The following INF2 variants were observed in gnomAD, a reference collection of about 807,000 sequenced individuals.
The protein encoded by INF2 is inverted formin 2.
In INF2, 43 loss-of-function variants were observed where a neutral mutation model predicts 123.5. The ratio of observed to expected loss-of-function variants is 0.35; its 90% CI spans 0.27 to 0.45. INF2 has a LOEUF of 0.45. INF2 is among the 20% of genes least tolerant of loss of function. The pLI is 1.00. For missense variants in INF2, 1,453 were observed against 1,682.7 expected, an observed-to-expected ratio of 0.86 and a Z score of 2.39; for synonymous variants, 851 against 745.0, an observed-to-expected ratio of 1.14 and a Z score of -2.32.
Position 104,714,534 on chromosome 14 carries a change from C to G in INF2, c.3372C>G (p.Ala1124=), listed in dbSNP as rs769591308. ...LKFSSNQPPA[A]GSSRQDAKDP... ...TCTCCAGCAACCAGCCCCCTGCAGC[C>G]GGAAGTTCAAGGCAAGATGCCAAGG... Residue 1124 remains alanine (A), a synonymous_variant, in exon 21 of 23, where the codon GCC becomes GCG. Transcript: ENST00000392634. 6.2e-7 allele frequency: 1 copy of G among 1,612,772 alleles called. No homozygotes were observed. The highest frequency in any genetic ancestry group is 8.5e-7 in the Non-Finnish European group (1 of 1,179,884).
At chr14:104,701,235 C>A in intron 1 of INF2, 122 bp from the exon 2 acceptor site, 3 of 1,127,836 alleles carry the variant, frequency 2.7e-6, no homozygotes, top group Non-Finnish European at 3.8e-6. Flanking sequence ...CTCAGCATGG[C>A]ACGTGAGCAG....
intron 1 of INF2, among the ~76,000 whole-genome samples, chr14:104,682,087 C>T (rs1039063828): frequency 3.9e-5 from 6 of 152,122 alleles, no homozygotes; most frequent in East Asian, 1.9e-4. Flanking sequence ...CAGTGCCTGG[C>T]GAGGAATTGG....
upstream of INF2, chr14:104,689,252 G>T (rs894950373): frequency 3.0e-6 from 3 of 985,372 alleles, no homozygotes; most frequent in Non-Finnish European, 1.2e-6. Flanking sequence ...AGAGGTGAGC[G>T]GCGCCTGGGA....
chr14:104,712,312 TCA>T, intron 16 of INF2, 119 bp from the exon 17 acceptor site: 5 of 1,356,582 alleles, frequency 3.7e-6, no homozygotes, highest in Non-Finnish European at 5.1e-6. Flanking sequence ...ACGTGCAGCC[TCA>T]GAGTACAGCC....
chr14:104,708,145 C>T lies in INF2; in HGVS notation c.1735+143C>T, dbSNP rs376825605. 13 of 1,349,874 alleles carry T rather than the reference C, an allele frequency of 9.6e-6. No individual in the cohort carries two copies. The African/African-American group carries it at 1.2e-4, about 12-fold the overall frequency. 83.6% of individuals were successfully genotyped at this position (1,349,874 alleles called of 1,614,324 possible). On this transcript the variant is annotated intron_variant, in intron 8 of 22. Coordinates refer to ENST00000392634, the MANE Select transcript of INF2 (RefSeq NM_022489.4). Reference sequence around the variant, plus strand: ...GGCAGCCTGGCCCTTGCTCTGGGCTCGGCGCCTGTGGTTGAGGTGGGGACG... The same window carrying T: ...GGCAGCCTGGCCCTTGCTCTGGGCTTGGCGCCTGTGGTTGAGGTGGGGACG...
intron 1 of INF2, among the ~76,000 whole-genome samples, chr14:104,695,876 G>A (rs1889169407): frequency 6.6e-6 from 1 of 152,106 alleles, no homozygotes; most frequent in Non-Finnish European, 1.5e-5. Flanking sequence ...AGGACCCCTG[G>A]CCCCCAGCTC....
intron 1 of INF2, among the ~76,000 whole-genome samples, chr14:104,698,948 T>G (rs1889335991): frequency 6.6e-6 from 1 of 152,126 alleles, no homozygotes; most frequent in Admixed American, 6.5e-5. Flanking sequence ...CACGGGGGTA[T>G]AGGAACCTGA....
In INF2 at chr14:104,689,815, G is replaced by T. The variant is rs952703663; in HGVS notation, c.-10+76G>T. ...CGGGAGGAGGCAGGGGCGTGCTTGG[G>T]TCCAGGAGCGAGGTTCCGGGCTGCG... On this transcript the variant is annotated intron_variant, in intron 1 of 22. Transcript: ENST00000392634. The T allele has an allele frequency of 3.1e-5, 27 of 872,448 alleles. No individual in the cohort carries two copies. In the South Asian group the frequency reaches 7.9e-4, roughly 25 times the overall value. 54.0% of individuals were successfully genotyped at this position (872,448 alleles called of 1,614,324 possible). A position where few individuals can be genotyped will look rare whatever the true frequency, so the allele number is the denominator to read the frequency against.
intron 10 of INF2, 118 bp downstream of exon 10, chr14:104,708,850 C>T: frequency 9.3e-7 from 1 of 1,080,374 alleles, no homozygotes. Flanking sequence ...CACTGCATCC[C>T]CTAGGCAGGA....
intron 1 of INF2, among the ~76,000 whole-genome samples, chr14:104,681,942 G>C (rs532490245): frequency 6.6e-6 from 1 of 152,346 alleles, no homozygotes; most frequent in South Asian, 2.1e-4. Context: ...GGGAAGGAGG[G>C]GAGCTGTCAC....
chr14:104,718,491 G>A (rs1028928796), intron 22 of INF2, among the ~76,000 whole-genome samples: 1 of 152,128 alleles, frequency 6.6e-6, no homozygotes, highest in African/African-American at 2.4e-5. Context: ...GTGCAGCCTG[G>A]GTCTCAGACA....
At chr14:104,689,590 T>TCCC, upstream of INF2, 12 of 646,930 alleles carry the variant, frequency 1.9e-5, no homozygotes, top group Non-Finnish European at 2.2e-5. Context: ...CTCCTCTTCC[T>TCCC]CCCGCCCGCC....
At chr14:104,685,804 G>A (rs1035473695), upstream of INF2, among the ~76,000 whole-genome samples, 3 of 150,664 alleles carry the variant, frequency 2.0e-5, no homozygotes, top group Non-Finnish European at 4.4e-5. Context: ...TGGGTGGATG[G>A]GTGGATGAGT....
rs551824778 is a variant in INF2 at position 104,711,149 on chromosome 14, A to G, written c.2381A>G (p.Gln794Arg). 1.3e-6 allele frequency: 2 copies of G among 1,573,076 alleles called. No homozygotes were observed. The highest frequency in any genetic ancestry group is 1.2e-5 in the South Asian group (1 of 85,944). ...CTGAAGCTCACGGAGACCAAGTCCCAGCAGAACCGCGTGACGCTGCTGCAC... is the reference window on the plus strand; with the variant it reads ...CTGAAGCTCACGGAGACCAAGTCCCGGCAGAACCGCGTGACGCTGCTGCAC... Reference protein sequence around the residue: ...TLLKLTETKSQQNRVTLLHHV... With the variant: ...TLLKLTETKSRQNRVTLLHHV... The change falls in exon 15 of 23, where the codon CAG becomes CGG. Residue 794 changes from glutamine (Q) to arginine (R), a missense_variant. Transcript: ENST00000392634.
At chr14:104,687,047 T>G (rs1888680459), upstream of INF2, among the ~76,000 whole-genome samples, 1 of 152,200 alleles carries the variant, frequency 6.6e-6, no homozygotes, top group Non-Finnish European at 1.5e-5. The surrounding 1 kb of genome is among the most constrained non-coding windows in gnomAD (Gnocchi z 5.6). Flanking sequence ...CTCAGGCATC[T>G]GGGTACCTGC....
At chr14:104,698,327 G>A (rs1040875477) in intron 1 of INF2, among the ~76,000 whole-genome samples, 3 of 152,218 alleles carry the variant, frequency 2.0e-5, no homozygotes, top group Non-Finnish European at 4.4e-5. Context: ...TGCAGAAGTG[G>A]ACACCACCCC....
chr14:104,697,999 G>A (rs1338839293), intron 1 of INF2, among the ~76,000 whole-genome samples: 1 of 152,256 alleles, frequency 6.6e-6, no homozygotes, highest in African/African-American at 2.4e-5. Flanking sequence ...GGATGGTCCT[G>A]CCCTGCCTCA....
chr14:104,713,362 T>C lies in INF2; in HGVS notation c.2878+53T>C, dbSNP rs1890146840. The stretch of plus-strand genomic sequence containing the variant: ...GGGGTGACTCTGGGATCCTTGTCTG[T>C]GCTCCAGCCTCCCCACCACCCCCAG... On this transcript the variant is annotated intron_variant, in intron 19 of 22. Coordinates refer to ENST00000392634, the MANE Select transcript of INF2 (RefSeq NM_022489.4). 1.9e-6 allele frequency: 3 copies of C among 1,558,670 alleles called. No homozygotes were observed. The East Asian group carries it at 7.2e-5, about 37-fold the overall frequency.
At chr14:104,710,653 A>T in intron 13 of INF2, 1 of 549,766 alleles carries the variant, frequency 1.8e-6, no homozygotes, top group Non-Finnish European at 3.3e-6. Flanking sequence ...CATCTCTGAA[A>T]GGGGAATCCA....
Sources: gnomAD v4.1 joint callset for allele counts (sites outside exome capture counted in the v4.1 genomes callset) on GRCh38, gnomAD v4.1.1 for gene constraint, Gnocchi (gnomAD v3.1) non-coding constraint, MANE v1.5 for transcripts, NCBI Gene and HGNC (gene_info 2026-07-23, HGNC 2026-07-21) for gene names.